Variants in PPP6R2 observed in about 807,000 individuals in gnomAD.
PPP6R2 encodes serine/threonine-protein phosphatase 6 regulatory subunit 2.
In PPP6R2, 62 loss-of-function variants were observed where a neutral mutation model predicts 100.2. The ratio of observed to expected loss-of-function variants is 0.62; its 90% confidence interval spans 0.50 to 0.76. The LOEUF (loss-of-function observed/expected upper bound fraction) is 0.76, where lower values mean the gene tolerates loss of function less well. Ranked by LOEUF, PPP6R2 falls within the 30% of genes least tolerant of loss-of-function variation. The pLI, the probability that PPP6R2 is intolerant of heterozygous loss-of-function variation, is 0.00. For synonymous variants in PPP6R2, 525 were observed against 514.7 expected, an observed-to-expected ratio of 1.02 and a Z score of -0.27; for missense variants, 1,142 against 1,276.3, an observed-to-expected ratio of 0.89 and a Z score of 1.60.
chr22:50,441,943 C>T (rs1039582022), intron 22 of PPP6R2, among the ~76,000 whole-genome samples: 8 of 152,230 alleles, frequency 5.3e-5, no homozygotes, highest in Admixed American at 3.3e-4. Flanking sequence ...CACCCAGCAA[C>T]GGCACAGCTG....
intron 1 of PPP6R2, among the ~76,000 whole-genome samples, chr22:50,368,646 T>C (rs1214708034): frequency 2.0e-5 from 3 of 152,152 alleles, no homozygotes; most frequent in African/African-American, 2.4e-5. Flanking sequence ...CCTCAGTCTC[T>C]TGCCTTGGCA....
chr22:50,387,506 AC>A, intron 2 of PPP6R2, among the ~76,000 whole-genome samples: 1 of 152,258 alleles, frequency 6.6e-6, no homozygotes, highest in South Asian at 2.1e-4. Flanking sequence ...CCTTGGTTGT[AC>A]AAATAGTCAT....
intron 1 of PPP6R2, among the ~76,000 whole-genome samples, chr22:50,368,943 C>G (rs1286074006): frequency 6.6e-6 from 1 of 152,162 alleles, no homozygotes; most frequent in African/African-American, 2.4e-5. Context: ...GGCCCAAGAT[C>G]AAAAACATTT....
intron 5 of PPP6R2, 32 bp downstream of exon 5, chr22:50,414,721 G>T: frequency 1.2e-6 from 2 of 1,600,630 alleles, no homozygotes; most frequent in Non-Finnish European, 1.7e-6. Flanking sequence ...CGTTCCCGAG[G>T]GCAGGGGTGC....
upstream of PPP6R2, among the ~76,000 whole-genome samples, chr22:50,342,828 C>T (rs2042552848): frequency 6.6e-6 from 1 of 152,086 alleles, no homozygotes; most frequent in African/African-American, 2.4e-5. Context: ...ACTCCGGGTC[C>T]AGGCAGGACG....
intron 3 of PPP6R2, among the ~76,000 whole-genome samples, chr22:50,403,315 G>A (rs542372393): frequency 4.0e-4 from 61 of 152,290 alleles, no homozygotes; most frequent in African/African-American, 1.4e-3. Context: ...TCACCCCATG[G>A]GATGTGACTT....
intron 1 of PPP6R2, among the ~76,000 whole-genome samples, chr22:50,346,517 AG>A (rs2043769312): frequency 4.1e-5 from 1 of 24,398 alleles, no homozygotes; most frequent in Non-Finnish European, 7.6e-5. Context: ...GTGCCCCCCC[AG>A]TCAGTGCCCT....
At chr22:50,402,786 C>A (rs2146993624) in intron 3 of PPP6R2, among the ~76,000 whole-genome samples, 1 of 152,308 alleles carries the variant, frequency 6.6e-6, no homozygotes, top group African/African-American at 2.4e-5. Flanking sequence ...ACTAGAGCAG[C>A]ACCTGTCATT....
intron 2 of PPP6R2, among the ~76,000 whole-genome samples, chr22:50,384,418 C>T (rs1047050192): frequency 2.0e-5 from 3 of 151,798 alleles, no homozygotes; most frequent in Non-Finnish European, 2.9e-5. Context: ...AGCCGGGCGT[C>T]GTGGCGGGTG....
intron 1 of PPP6R2, among the ~76,000 whole-genome samples, chr22:50,358,633 C>T (rs530718010): frequency 8.5e-5 from 13 of 152,306 alleles, no homozygotes; most frequent in Middle Eastern, 6.8e-3. Flanking sequence ...AGAATTTCCT[C>T]ATGCGCCATT....
At chr22:50,339,606 GGTGTGTGTGGTATGTA>G (rs2042346403), upstream of PPP6R2, among the ~76,000 whole-genome samples, 1 of 115,994 alleles carries the variant, frequency 8.6e-6, no homozygotes, top group Non-Finnish European at 1.8e-5. Context: ...TGGTGTGTGC[GGTGTGTGTGGTATGTA>G]GTGTGTGTTA....
At chr22:50,421,548 T>C (rs980906496) in intron 8 of PPP6R2, among the ~76,000 whole-genome samples, 1 of 152,136 alleles carries the variant, frequency 6.6e-6, no homozygotes, top group East Asian at 1.9e-4. Flanking sequence ...CTTTAAAAAA[T>C]ATATGATTAC....
At chr22:50,356,260 G>A (rs1015095068) in intron 1 of PPP6R2, among the ~76,000 whole-genome samples, 2 of 151,578 alleles carry the variant, frequency 1.3e-5, no homozygotes, top group Non-Finnish European at 2.9e-5. Flanking sequence ...CACCACGCCC[G>A]GCCTTCCCTC....
In PPP6R2 at chr22:50,423,575, C is replaced by T; in HGVS notation, c.1086C>T (p.Asn362=). 3 of 1,614,196 alleles carry T rather than the reference C, an allele frequency of 1.9e-6. No individual in the cohort carries two copies. The highest frequency in any genetic ancestry group is 1.1e-5 in the South Asian group (1 of 91,088). Residue 362 remains asparagine, a synonymous_variant, in exon 10 of 24, where the codon AAC becomes AAT. Coordinates refer to ENST00000612753, the MANE Select transcript of PPP6R2 (RefSeq NM_001242898.2). The surrounding 1 kb of genome is among the most constrained non-coding windows in gnomAD (Gnocchi z 4.8). ...ALLHTNTPSI[N]QELCRLNTMD... is the part of the protein sequence containing the mutation. ...TGCACACAAACACACCCAGCATCAACCAGGAGCTCTGCCGGCTCAACACGA... is the reference window on the plus strand; with the variant it reads ...TGCACACAAACACACCCAGCATCAATCAGGAGCTCTGCCGGCTCAACACGA...
chr22:50,439,302 A>G (rs1376741179), intron 19 of PPP6R2, among the ~76,000 whole-genome samples: 2 of 152,134 alleles, frequency 1.3e-5, no homozygotes, highest in African/African-American at 4.8e-5. Context: ...AAGCAGGAAC[A>G]TCCCAGATAG....
intron 1 of PPP6R2, among the ~76,000 whole-genome samples, 199 bp from the exon 2 acceptor site, chr22:50,371,821 A>G (rs2050289595): frequency 6.6e-6 from 1 of 151,992 alleles, no homozygotes; most frequent in Admixed American, 6.6e-5. Context: ...ATTTTTTGGT[A>G]GAAATGAGGT....
intron 1 of PPP6R2, among the ~76,000 whole-genome samples, chr22:50,355,857 A>C (rs529075063): frequency 6.6e-6 from 1 of 150,978 alleles, no homozygotes; most frequent in Non-Finnish European, 1.5e-5. Flanking sequence ...AAAAAACCAA[A>C]AAAAAAGCTT....
chr22:50,404,599 GTTT>G (rs57447654), intron 3 of PPP6R2, among the ~76,000 whole-genome samples: 20 of 120,154 alleles, frequency 1.7e-4, no homozygotes, highest in East Asian at 2.5e-4. Flanking sequence ...TTTCTTTCTT[GTTT>G]TTTTTTTTTT....
At chr22:50,430,786 A>G (rs1316834304) in intron 10 of PPP6R2, among the ~76,000 whole-genome samples, 1 of 151,564 alleles carries the variant, frequency 6.6e-6, no homozygotes, top group African/African-American at 2.4e-5. Context: ...AGGCAGGAGA[A>G]TCACTTGAAC....
Sources: allele counts gnomAD v4.1 joint callset (sites outside exome capture counted in the v4.1 genomes callset), GRCh38; gene constraint gnomAD v4.1.1; non-coding constraint Gnocchi (gnomAD v3.1); transcripts MANE v1.5; gene names NCBI Gene and HGNC (gene_info 2026-07-23, HGNC 2026-07-21).